MRAP: variants seen among roughly 807,000 people sequenced by gnomAD.
The protein encoded by MRAP is melanocortin-2 receptor accessory protein.
Under a neutral mutation model 8.7 loss-of-function variants are expected in MRAP, and 8 were observed. That is an observed-to-expected ratio of 0.92 (90% confidence interval 0.54 to 1.66). The LOEUF (loss-of-function observed/expected upper bound fraction) is 1.66, where lower values mean the gene tolerates loss of function less well. MRAP is among the 40% of genes most tolerant of loss of function. The pLI, the probability that MRAP is intolerant of heterozygous loss-of-function variation, is 0.00. For synonymous variants in MRAP, 95 were observed against 95.5 expected (o/e 1.00, Z 0.03); for missense variants, 237 against 217.1 (o/e 1.09, Z -0.58).
chr21:32,300,592 A>T (rs12482890), intron 1 of MRAP, among the ~76,000 whole-genome samples: 17 of 147,202 alleles, frequency 1.2e-4, no homozygotes, highest in African/African-American at 1.8e-4. Context: ...GGGGCGTCAC[A>T]CGTCCTATGT....
chr21:32,301,938 T>C (rs2032306656), intron 1 of MRAP, among the ~76,000 whole-genome samples: 1 of 152,228 alleles, frequency 6.6e-6, no homozygotes, highest in Non-Finnish European at 1.5e-5. Flanking sequence ...AACGACTACA[T>C]AAAACTCTTT....
upstream of MRAP, among the ~76,000 whole-genome samples, chr21:32,293,884 C>T (rs1221180708): frequency 1.3e-5 from 2 of 151,074 alleles, no homozygotes; most frequent in Non-Finnish European, 2.9e-5. Context: ...TGTTTTTCTA[C>T]TAGGGGACTT....
At chr21:32,306,808 G>C (rs2032431837) in intron 2 of MRAP, 69 bp downstream of exon 2, 1 of 1,233,620 alleles carries the variant, frequency 8.1e-7, no homozygotes, top group Non-Finnish European at 1.2e-6. Context: ...TGCAGGTTGA[G>C]TATCCCTCAT....
downstream of MRAP, chr21:32,314,529 C>T (rs746644407): frequency 8.7e-6 from 14 of 1,604,150 alleles, no homozygotes; most frequent in Admixed American, 1.7e-5. Context: ...TAAAAAAAAT[C>T]TGATACCTTT....
downstream of MRAP, chr21:32,312,432 TC>T: frequency 1.5e-6 from 1 of 648,800 alleles, no homozygotes; most frequent in Non-Finnish European, 2.1e-6. Flanking sequence ...ACCCGCCGGC[TC>T]CCCCAGATGT....
At chr21:32,300,974 T>C (rs2032280749) in intron 1 of MRAP, among the ~76,000 whole-genome samples, 1 of 123,028 alleles carries the variant, frequency 8.1e-6, no homozygotes, top group Non-Finnish European at 1.7e-5. Context: ...CAAAGATGTA[T>C]CATATTTCAT....
chr21:32,311,742 T>G lies in MRAP; in HGVS notation c.265T>G (p.Cys89Gly). The stretch of plus-strand genomic sequence containing the variant: ...GAGTCACGGCCTCAACCTCCACCTC[T>G]GCATCCAGAAGTGCCTGCCGTGCCA... ...PWSHGLNLHL[C>G]IQKCLPCHRE... is the part of the protein sequence containing the mutation. Residue 89 changes from cysteine to glycine, a missense_variant, in exon 3 of 3, where the codon TGC becomes GGC. Physicochemically the swap from Cys to Gly is radical, Grantham distance 159 (BLOSUM62 -3). Coordinates refer to ENST00000303645, the MANE Select transcript of MRAP (RefSeq NM_001379228.1). 1.9e-6 allele frequency: 3 copies of G among 1,614,062 alleles called. No homozygotes were observed. Among genetic ancestry groups the G allele is most frequent in the South Asian group, 2.2e-5 (2 of 91,068 alleles).
intron 2 of MRAP, 168 bp from the exon 3 acceptor site, chr21:32,311,516 G>A: frequency 1.1e-6 from 1 of 923,774 alleles, no homozygotes; most frequent in South Asian, 1.8e-5. Flanking sequence ...GATTTCTCTA[G>A]AATGGCCACC....
At chr21:32,310,476 T>C (rs1209163475) in intron 2 of MRAP, among the ~76,000 whole-genome samples, 1 of 152,224 alleles carries the variant, frequency 6.6e-6, no homozygotes, top group Non-Finnish European at 1.5e-5. Context: ...AGTCGTTTTA[T>C]ACATCATCTC....
At chr21:32,305,673 T>TAGCG (rs2032398368) in intron 1 of MRAP, among the ~76,000 whole-genome samples, 1 of 152,194 alleles carries the variant, frequency 6.6e-6, no homozygotes, top group South Asian at 2.1e-4. Context: ...CATCCTCTAA[T>TAGCG]AGCGCCTTTT....
At chr21:32,303,085 T>C (rs2032328345) in intron 1 of MRAP, among the ~76,000 whole-genome samples, 1 of 150,972 alleles carries the variant, frequency 6.6e-6, no homozygotes, top group African/African-American at 2.4e-5. Flanking sequence ...GTTCAAGCTA[T>C]TCTTCTGCCT....
Position 32,300,580 on chromosome 21 carries a change from CAG to C in MRAP, c.106+1504_106+1505del, listed in dbSNP as rs763497974. 3.9e-4 allele frequency among the ~76,000 whole-genome samples: 57 copies of C among 147,424 alleles called. 1 individual carries two copies. The highest frequency in any genetic ancestry group is 4.6e-4 in the African/African-American group (18 of 39,534). Reference sequence around the variant, plus strand: ...ATGTCAGATGTTTCACACGTCATGTCAGGGGCGTCACACGTCCTATGTCGGAT... The same window carrying C: ...ATGTCAGATGTTTCACACGTCATGTCGGGCGTCACACGTCCTATGTCGGAT... On this transcript the variant is annotated intron_variant, in intron 1 of 2. Transcript: ENST00000303645.
chr21:32,306,640 A>G lies in MRAP; in HGVS notation c.107A>G (p.His36Arg), dbSNP rs1341474568. The change falls in exon 2 of 3, where the codon CAT becomes CGT. Residue 36 changes from histidine to arginine, a missense_variant and splice_region_variant. His to Arg is a conservative substitution (Grantham distance 29, BLOSUM62 0). Transcript: ENST00000303645. ...TGAGATGCATCTCCTCCTCCCGCAG[A>G]TTCCATCGTGATCGCATTCTGGGTG... Reference protein sequence around the residue: ...VDEKKLKAHKHSIVIAFWVSL... With the variant: ...VDEKKLKAHKRSIVIAFWVSL... The G allele has an allele frequency of 6.2e-7, 1 of 1,614,044 alleles. No homozygotes were observed. The highest frequency in any genetic ancestry group is 8.5e-7 in the Non-Finnish European group (1 of 1,179,938).
chr21:32,301,561 GC>G (rs2032299281), intron 1 of MRAP, among the ~76,000 whole-genome samples: 1 of 152,166 alleles, frequency 6.6e-6, no homozygotes, highest in Non-Finnish European at 1.5e-5. Context: ...CTTCATCTGT[GC>G]CCTTTTCCGA....
chr21:32,299,012 A>G lies in MRAP; in HGVS notation c.41A>G (p.Tyr14Cys). Reference sequence around the variant, plus strand: ...AACGCCTCTGCCCCATACTACAGCTATGAATACTACCTGGACTATCTGGAC... The same window carrying G: ...AACGCCTCTGCCCCATACTACAGCTGTGAATACTACCTGGACTATCTGGAC... ...GTNASAPYYS[Y>C]EYYLDYLDLI... is the part of the protein sequence containing the mutation. Residue 14 changes from tyrosine to cysteine, a missense_variant, in exon 1 of 3, where the codon TAT becomes TGT. By Grantham distance (194) the Tyr-to-Cys change is radical. Coordinates refer to ENST00000303645, the MANE Select transcript of MRAP (RefSeq NM_001379228.1). 6 of 1,614,188 alleles carry G rather than the reference A, an allele frequency of 3.7e-6. No homozygotes were observed. Among genetic ancestry groups the G allele is most frequent in the Non-Finnish European group, 5.1e-6 (6 of 1,180,016 alleles).
chr21:32,312,437 C>G (rs2032604725), downstream of MRAP: 2 of 652,186 alleles, frequency 3.1e-6, no homozygotes, highest in African/African-American at 1.9e-5. Flanking sequence ...CCGGCTCCCC[C>G]AGATGTGATG....
upstream of MRAP, among the ~76,000 whole-genome samples, chr21:32,296,106 A>G (rs759910375): frequency 7.9e-5 from 12 of 152,320 alleles, no homozygotes; most frequent in South Asian, 1.0e-3. Flanking sequence ...GCAATTGTCA[A>G]TGGCCATCTC....
In MRAP at chr21:32,309,336, G is replaced by A. The variant is rs183454737; in HGVS notation, c.207-2348G>A. On this transcript the variant is annotated intron_variant, in intron 2 of 2. Coordinates refer to ENST00000303645, the MANE Select transcript of MRAP (RefSeq NM_001379228.1). ...GAAGGGGCCTCTGATTCTCCTCCCC[G>A]CCCCTGCCTGCCCTGCCCGTGGTGT... 2.6e-3 allele frequency among the ~76,000 whole-genome samples: 393 copies of A among 152,050 alleles called. 1 individual carries two copies. Among genetic ancestry groups the A allele is most frequent in the African/African-American group, 8.4e-3 (350 of 41,474 alleles).
At chr21:32,302,316 C>CT (rs1304466183) in intron 1 of MRAP, among the ~76,000 whole-genome samples, 1 of 152,132 alleles carries the variant, frequency 6.6e-6, no homozygotes, top group East Asian at 1.9e-4. Context: ...AAAATTGTGT[C>CT]TATGTGTGAG....
Sources: allele counts gnomAD v4.1 joint callset (sites outside exome capture counted in the v4.1 genomes callset), GRCh38; gene constraint gnomAD v4.1.1; transcripts MANE v1.5; gene names NCBI Gene and HGNC (gene_info 2026-07-23, HGNC 2026-07-21).